The following MAP4K3 variants were observed in gnomAD, a reference collection of about 807,000 sequenced individuals.
MAP4K3 encodes the protein MAPK/ERK kinase kinase kinase 3.
A neutral mutation model predicts 143.5 loss-of-function variants in MAP4K3; 94 were observed. The ratio of observed to expected loss-of-function variants is 0.65; its 90% CI spans 0.55 to 0.78. The LOEUF (loss-of-function observed/expected upper bound fraction) is 0.78. MAP4K3 is among the 30% of genes least tolerant of loss of function. The probability of loss-of-function intolerance (pLI) is 0.00; values close to 1 mark genes in which losing one functional copy is unlikely to be tolerated. For missense variants in MAP4K3, 1,077 were observed against 1,068.1 expected (o/e 1.01, Z -0.12); for synonymous variants, 416 against 347.2 (o/e 1.20, Z -2.20).
rs1178245172 is a variant in MAP4K3 at position 39,347,771 on chromosome 2, G to A, written c.246-4319C>T. 2.0e-5 allele frequency among the ~76,000 whole-genome samples: 3 copies of A among 151,868 alleles called. No homozygotes were observed. The East Asian group carries it at 5.8e-4, about 29-fold the overall frequency. ...CTTTTTTAAGGAAAAAAGAGAGATG[G>A]GATTGATCAGGCATATATTCTTACT... On this transcript the variant is annotated intron_variant, in intron 3 of 33. Transcript: ENST00000263881.
chr2:39,294,348 T>A (rs1204053544), intron 16 of MAP4K3: 2 of 152,198 alleles, frequency 1.3e-5, no homozygotes, highest in South Asian at 2.1e-4. Flanking sequence ...ATTTAAATTT[T>A]AAAAAATGAA....
chr2:39,297,522 TAAGTCA>T (rs1372690982), intron 16 of MAP4K3, among the ~76,000 whole-genome samples: 4 of 152,124 alleles, frequency 2.6e-5, no homozygotes, highest in Admixed American at 1.3e-4. Context: ...CAAGCAAGTA[TAAGTCA>T]AAGTACATAT....
intron 1 of MAP4K3, among the ~76,000 whole-genome samples, chr2:39,385,416 C>T (rs915519582): frequency 1.3e-5 from 2 of 151,732 alleles, no homozygotes; most frequent in Admixed American, 6.6e-5. Context: ...TTTTAGTTTG[C>T]ATTTCCTTGA....
intron 12 of MAP4K3, among the ~76,000 whole-genome samples, chr2:39,319,293 G>T (rs183103687): frequency 6.6e-6 from 1 of 150,942 alleles, no homozygotes; most frequent in Admixed American, 6.6e-5. Flanking sequence ...CCTAAAAATT[G>T]CTAGGAATTT....
At chr2:39,282,703 T>A (rs1164906825) in intron 21 of MAP4K3, 149 bp from the exon 22 acceptor site, 1 of 607,848 alleles carries the variant, frequency 1.6e-6, no homozygotes, top group East Asian at 3.1e-5. Flanking sequence ...TTCCCCATAA[T>A]TCTTTCACAA....
chr2:39,266,217 A>G (rs1680755866), intron 27 of MAP4K3, among the ~76,000 whole-genome samples: 1 of 152,146 alleles, frequency 6.6e-6, no homozygotes, highest in Non-Finnish European at 1.5e-5. Context: ...TTTGCTCTAA[A>G]CCAGCTGTTC....
chr2:39,285,881 G>GT (rs773392159), intron 21 of MAP4K3, among the ~76,000 whole-genome samples: 4 of 152,190 alleles, frequency 2.6e-5, no homozygotes, highest in South Asian at 2.1e-4. Context: ...TCCAGTGATT[G>GT]TAAGTCAATT....
At chr2:39,301,244 G>C (rs912423120) in intron 15 of MAP4K3, among the ~76,000 whole-genome samples, 1 of 152,150 alleles carries the variant, frequency 6.6e-6, no homozygotes, top group Non-Finnish European at 1.5e-5. Context: ...TTATCAGTGT[G>C]AGAAAAGATA....
At chr2:39,415,152 G>C (rs1190669192) in intron 1 of MAP4K3, among the ~76,000 whole-genome samples, 1 of 152,160 alleles carries the variant, frequency 6.6e-6, no homozygotes, top group Non-Finnish European at 1.5e-5. Context: ...ACTTCTCCTA[G>C]ATGTTATTTA....
At chr2:39,420,570 C>A (rs973586383) in intron 1 of MAP4K3, among the ~76,000 whole-genome samples, 1 of 151,572 alleles carries the variant, frequency 6.6e-6, no homozygotes, top group African/African-American at 2.4e-5. Flanking sequence ...GCATGTGCCA[C>A]CATGCCTGGC....
chr2:39,256,049 G>A (rs562250649), intron 31 of MAP4K3, among the ~76,000 whole-genome samples: 1 of 152,038 alleles, frequency 6.6e-6, no homozygotes, highest in Non-Finnish European at 1.5e-5. Context: ...AAAATGTTTG[G>A]ATTTCATTTA....
chr2:39,368,615 G>C (rs1306708319), intron 2 of MAP4K3, among the ~76,000 whole-genome samples: 1 of 151,890 alleles, frequency 6.6e-6, no homozygotes, highest in East Asian at 1.9e-4. Context: ...GCTGCAGTGA[G>C]CTATGATCAC....
intron 12 of MAP4K3, among the ~76,000 whole-genome samples, chr2:39,321,558 C>A (rs1036377675): frequency 7.2e-5 from 11 of 152,156 alleles, no homozygotes; most frequent in African/African-American, 2.4e-4. Context: ...AAGACCTGAC[C>A]GTCCCCCAGC....
chr2:39,251,118 G>A (rs1441066530), intron 33 of MAP4K3, among the ~76,000 whole-genome samples: 1 of 152,158 alleles, frequency 6.6e-6, no homozygotes, highest in Non-Finnish European at 1.5e-5. Context: ...CTGGCTAGGG[G>A]GCCAGGGCGC....
At chr2:39,254,412 A>G in intron 32 of MAP4K3, 38 bp downstream of exon 32, 1 of 1,501,716 alleles carries the variant, frequency 6.7e-7, no homozygotes, top group East Asian at 2.3e-5. Flanking sequence ...GGAATTTGAT[A>G]ATGTCTTGTG....
chr2:39,280,136 TTAAAATAAAAAAAAAATTA>T, intron 23 of MAP4K3, 117 bp downstream of exon 23: 1 of 519,354 alleles, frequency 1.9e-6, no homozygotes, highest in Non-Finnish European at 3.4e-6. Context: ...CATATTTACC[TTAAAATAAAAAAAAAATTA>T]TAACAAAACT....
intron 15 of MAP4K3, among the ~76,000 whole-genome samples, chr2:39,304,928 C>T (rs557122825): frequency 1.6e-4 from 24 of 152,184 alleles, no homozygotes; most frequent in African/African-American, 5.3e-4. Context: ...GAAGGTATTA[C>T]GAAATTATGC....
intron 7 of MAP4K3, among the ~76,000 whole-genome samples, chr2:39,333,147 A>C (rs1683734070): frequency 6.6e-6 from 1 of 152,166 alleles, no homozygotes; most frequent in Non-Finnish European, 1.5e-5. Context: ...GCTGTATTTT[A>C]TTTTAAAAGC....
Position 39,437,090 on chromosome 2 carries a change from G to A in MAP4K3, c.-103C>T. 2 of 822,214 alleles carry A rather than the reference G, an allele frequency of 2.4e-6. No individual in the cohort carries two copies. Among genetic ancestry groups the A allele is most frequent in the Non-Finnish European group, 3.6e-6 (2 of 555,924 alleles). The allele number at this position is 822,214 out of a possible 1,614,324, so 50.9% of individuals were successfully genotyped here. A position where few individuals can be genotyped will look rare whatever the true frequency, so the allele number is the denominator to read the frequency against. ...GCCGCGGCCGGCTCCCGGCTCCCCC[G>A]GCGGTCACAATCACCCGGCTCCACG... On this transcript the variant is annotated 5_prime_UTR_variant, in exon 1 of 34. Coordinates refer to ENST00000263881, the MANE Select transcript of MAP4K3 (RefSeq NM_003618.4).
Sources: allele counts gnomAD v4.1 joint callset (sites outside exome capture counted in the v4.1 genomes callset), GRCh38; gene constraint gnomAD v4.1.1; transcripts MANE v1.5; gene names NCBI Gene and HGNC (gene_info 2026-07-23, HGNC 2026-07-21).